The following SOX5 variants were observed in gnomAD, a reference collection of about 807,000 sequenced individuals.
SOX5 encodes transcription factor SOX-5.
SOX5 carries 9 observed loss-of-function variants against 92.0 expected under a neutral mutation model. The ratio of observed to expected loss-of-function variants is 0.10; its 90% confidence interval spans 0.06 to 0.17. SOX5 has a LOEUF of 0.17. Among genes scored for constraint, SOX5 ranks in the 10% least tolerant of loss-of-function variants. The pLI, the probability that SOX5 is intolerant of heterozygous loss-of-function variation, is 1.00. For synonymous variants in SOX5, 344 were observed against 336.3 expected (o/e 1.02, Z -0.25); for missense variants, 642 against 944.5 (o/e 0.68, Z 4.20).
intron 4 of SOX5, among the ~76,000 whole-genome samples, chr12:24,095,144 G>A (rs1374405586): frequency 6.9e-4 from 104 of 150,338 alleles, no homozygotes; most frequent in African/African-American, 2.5e-3. Flanking sequence ...GAGAGAGAGA[G>A]AGAGAGAGAG....
At chr12:23,600,512 G>C (rs1293597906) in intron 9 of SOX5, among the ~76,000 whole-genome samples, 5 of 49,764 alleles carry the variant, frequency 1.0e-4, no homozygotes, top group Admixed American at 6.8e-4. Context: ...AGACCATGGC[G>C]GGGGGGGTGC....
chr12:23,576,032 C>CT (rs1949048281), intron 9 of SOX5, among the ~76,000 whole-genome samples, 194 bp from the exon 10 acceptor site: 1 of 152,124 alleles, frequency 6.6e-6, no homozygotes, highest in Non-Finnish European at 1.5e-5. Context: ...TTCAAAATAC[C>CT]TTTTGTATAA....
At chr12:23,562,318 T>G (rs1194333324) in intron 11 of SOX5, among the ~76,000 whole-genome samples, 1 of 152,128 alleles carries the variant, frequency 6.6e-6, no homozygotes, top group Non-Finnish European at 1.5e-5. Flanking sequence ...CATTTCACCT[T>G]CCCTATGCAG....
At chr12:23,676,549 G>A (rs564333706) in intron 6 of SOX5, among the ~76,000 whole-genome samples, 57 of 143,092 alleles carry the variant, frequency 4.0e-4, no homozygotes, top group African/African-American at 1.5e-3. Flanking sequence ...TAGGGCTGTT[G>A]CAACGAATAA....
chr12:24,509,405 G>A (rs1949101390), intron 1 of SOX5, among the ~76,000 whole-genome samples: 1 of 152,072 alleles, frequency 6.6e-6, no homozygotes, highest in Non-Finnish European at 1.5e-5. Flanking sequence ...GGGTGAAAGT[G>A]ATGAAGCTTC....
chr12:24,091,108 AC>A (rs1189977144), intron 4 of SOX5, among the ~76,000 whole-genome samples: 1 of 152,200 alleles, frequency 6.6e-6, no homozygotes, highest in Non-Finnish European at 1.5e-5. Context: ...ATTCAAAAAA[AC>A]AAACTTGTTT....
chr12:23,582,181 C>G, intron 9 of SOX5: 1 of 985,266 alleles, frequency 1.0e-6, no homozygotes, highest in Non-Finnish European at 1.2e-6. Flanking sequence ...TTGTGTGCAG[C>G]ACTCATCCTT....
chr12:24,014,255 C>T (rs533588713), intron 4 of SOX5, among the ~76,000 whole-genome samples: 4 of 152,258 alleles, frequency 2.6e-5, no homozygotes, highest in Non-Finnish European at 2.9e-5. Flanking sequence ...CTTAGCGCCT[C>T]CTTTAACCGT....
chr12:23,826,609 C>T (rs1006491259), intron 3 of SOX5, among the ~76,000 whole-genome samples: 8 of 152,090 alleles, frequency 5.3e-5, no homozygotes, highest in South Asian at 2.1e-4. Context: ...GCAGCCTCCC[C>T]GTTTATGTGT....
chr12:24,192,736 T>C (rs1956643500), intron 4 of SOX5, among the ~76,000 whole-genome samples: 1 of 152,218 alleles, frequency 6.6e-6, no homozygotes, highest in Admixed American at 6.5e-5. Context: ...TACCAGTTTT[T>C]CATTCTAAAT....
At chr12:23,710,654 G>C (rs535262357) in intron 6 of SOX5, among the ~76,000 whole-genome samples, 101 of 152,248 alleles carry the variant, frequency 6.6e-4, no homozygotes, top group African/African-American at 2.3e-3. Context: ...TGGACATTTG[G>C]GTTGGTTCCA....
intron 2 of SOX5, among the ~76,000 whole-genome samples, chr12:24,285,723 C>G (rs1945787837): frequency 6.6e-6 from 1 of 152,080 alleles, no homozygotes. Context: ...CAAAACATGA[C>G]CTTCCAGTGT....
chr12:24,230,570 C>T, intron 3 of SOX5: 1 of 151,986 alleles, frequency 6.6e-6, no homozygotes, highest in South Asian at 2.1e-4. Context: ...AAAAGTGCAA[C>T]CCACTGGAGA....
intron 11 of SOX5, among the ~76,000 whole-genome samples, chr12:23,552,050 G>A (rs1470018533): frequency 6.6e-6 from 1 of 151,830 alleles, no homozygotes. Context: ...TGGTCCAGGT[G>A]AATAACTTTT....
At chr12:23,991,854 A>G (rs1950589537) in intron 4 of SOX5, among the ~76,000 whole-genome samples, 1 of 152,002 alleles carries the variant, frequency 6.6e-6, no homozygotes, top group Admixed American at 6.6e-5. Context: ...TCCTAGCCAA[A>G]TCTATAATTC....
At chr12:23,663,997 G>A (rs550641420) in intron 7 of SOX5, among the ~76,000 whole-genome samples, 2 of 152,110 alleles carry the variant, frequency 1.3e-5, no homozygotes, top group Non-Finnish European at 2.9e-5. Context: ...TGCAAAAGCA[G>A]TATGAAAATC....
intron 4 of SOX5, among the ~76,000 whole-genome samples, chr12:24,088,102 G>C (rs764922373): frequency 2.0e-5 from 3 of 151,860 alleles, no homozygotes; most frequent in Non-Finnish European, 4.4e-5. Context: ...GAAATACTAA[G>C]AGAAAGTATA....
intron 2 of SOX5, among the ~76,000 whole-genome samples, chr12:23,859,840 T>G (rs6487364): frequency 0.59 from 90,264 of 151,884 alleles, 26,853 homozygotes; most frequent in East Asian, 0.79. Context: ...GAACCTACAT[T>G]GAAATATTGG....
intron 4 of SOX5, among the ~76,000 whole-genome samples, chr12:23,744,214 C>T (rs945046265): frequency 2.6e-5 from 4 of 152,088 alleles, no homozygotes; most frequent in Non-Finnish European, 5.9e-5. Flanking sequence ...TTACCTTTTC[C>T]GTCCTTGAAC....
Sources: gnomAD v4.1 joint callset for allele counts (sites outside exome capture counted in the v4.1 genomes callset) on GRCh38, gnomAD v4.1.1 for gene constraint, MANE v1.5 for transcripts, NCBI Gene and HGNC (gene_info 2026-07-23, HGNC 2026-07-21) for gene names.